SLC26A8: variants seen among roughly 807,000 people sequenced by gnomAD.
The protein encoded by SLC26A8 is solute carrier family 26 member 8.
In SLC26A8, 70 loss-of-function variants were observed where a neutral mutation model predicts 105.0. The observed-to-expected ratio is 0.67, with a 90% CI of 0.55 to 0.81. The LOEUF is 0.81. Among genes scored for constraint, SLC26A8 ranks in the 40% least tolerant of loss-of-function variants. SLC26A8 has a pLI of 0.00. For synonymous variants in SLC26A8, 415 were observed against 438.3 expected (o/e 0.95, Z 0.66); for missense variants, 998 against 1,181.8 (o/e 0.84, Z 2.28).
intron 19 of SLC26A8, among the ~76,000 whole-genome samples, chr6:35,950,558 T>C (rs1771834288): frequency 6.6e-6 from 1 of 152,108 alleles, no homozygotes; most frequent in Non-Finnish European, 1.5e-5. Context: ...GTGCTAGGAT[T>C]ACAGGCGTGA....
At chr6:35,983,957 C>A (rs113874283) in intron 7 of SLC26A8, among the ~76,000 whole-genome samples, 18 of 152,228 alleles carry the variant, frequency 1.2e-4, no homozygotes, top group African/African-American at 4.1e-4. Context: ...GCATTTTAGA[C>A]CCTAGACCGT....
intron 7 of SLC26A8, among the ~76,000 whole-genome samples, chr6:35,987,502 G>C (rs189018224): frequency 3.5e-4 from 53 of 152,224 alleles, no homozygotes; most frequent in African/African-American, 1.2e-3. Context: ...CTCCCGAGTA[G>C]CTGGGACTAC....
At chr6:36,010,798 C>A (rs960895523) in intron 3 of SLC26A8, among the ~76,000 whole-genome samples, 1 of 152,040 alleles carries the variant, frequency 6.6e-6, no homozygotes, top group African/African-American at 2.4e-5. Context: ...CCAGGCCTCC[C>A]AAAGTGCTGG....
chr6:36,000,619 A>G (rs947128359), intron 3 of SLC26A8, among the ~76,000 whole-genome samples: 2 of 152,178 alleles, frequency 1.3e-5, no homozygotes, highest in African/African-American at 4.8e-5. Context: ...TTTCTTTTCT[A>G]AGAAGCACCA....
intron 16 of SLC26A8, among the ~76,000 whole-genome samples, chr6:35,956,792 G>A (rs1322580028): frequency 6.6e-6 from 1 of 152,002 alleles, no homozygotes; most frequent in Non-Finnish European, 1.5e-5. Flanking sequence ...GGTGGTGCAT[G>A]CCTGTAATCC....
chr6:35,989,949 T>G (rs1259077850), intron 7 of SLC26A8: 2 of 135,072 alleles, frequency 1.5e-5, no homozygotes, highest in African/African-American at 5.6e-5. Context: ...TTTTTTTTTT[T>G]TTTTTTGAGA....
At chr6:35,991,600 AT>A (rs965816302) in intron 7 of SLC26A8, 58 bp downstream of exon 7, 1 of 1,372,264 alleles carries the variant, frequency 7.3e-7, no homozygotes, top group Non-Finnish European at 9.7e-7. Flanking sequence ...TCAACTCAGC[AT>A]TTTTTTAAAA....
At chr6:35,992,448 C>G in intron 6 of SLC26A8, 62 bp downstream of exon 6, 1 of 1,549,898 alleles carries the variant, frequency 6.5e-7, no homozygotes, top group Non-Finnish European at 8.7e-7. Flanking sequence ...CTGAGCTCCA[C>G]TTTTCTTTGG....
At chr6:36,015,560 G>C (rs1235540975) in intron 2 of SLC26A8, among the ~76,000 whole-genome samples, 1 of 152,202 alleles carries the variant, frequency 6.6e-6, no homozygotes, top group Non-Finnish European at 1.5e-5. Context: ...CGGATGGCAA[G>C]GCTAAGTAAG....
intron 1 of SLC26A8, among the ~76,000 whole-genome samples, chr6:36,020,218 G>C (rs1203476108): frequency 6.6e-6 from 1 of 152,168 alleles, no homozygotes; most frequent in Non-Finnish European, 1.5e-5. Context: ...TTATTTGTCT[G>C]TTTGTCCATT....
At chr6:35,956,042 A>G (rs1772046455) in intron 16 of SLC26A8, among the ~76,000 whole-genome samples, 1 of 152,114 alleles carries the variant, frequency 6.6e-6, no homozygotes, top group Admixed American at 6.6e-5. Context: ...GCAGTTTGAA[A>G]CCAGCCTGGG....
intron 2 of SLC26A8, among the ~76,000 whole-genome samples, chr6:36,016,057 G>A (rs527845070): frequency 1.8e-4 from 27 of 151,710 alleles, no homozygotes; most frequent in Admixed American, 1.1e-3. Context: ...GCAGTGGCGT[G>A]ATCTCGGCTC....
chr6:36,008,577 A>G (rs984468856), intron 3 of SLC26A8, among the ~76,000 whole-genome samples: 1 of 152,326 alleles, frequency 6.6e-6, no homozygotes, highest in Middle Eastern at 3.4e-3. Context: ...GAAGACTGTT[A>G]AGAGTATGAA....
chr6:35,983,425 A>T (rs1773358147), intron 7 of SLC26A8, among the ~76,000 whole-genome samples: 1 of 152,218 alleles, frequency 6.6e-6, no homozygotes, highest in African/African-American at 2.4e-5. Flanking sequence ...CAGCTTAAAT[A>T]TACATAAATT....
At chr6:35,992,704 A>G (rs370763525) in intron 5 of SLC26A8, 30 bp from the exon 6 acceptor site, 14 of 1,574,664 alleles carry the variant, frequency 8.9e-6, no homozygotes, top group Non-Finnish European at 1.1e-5. Flanking sequence ...AGAGTGGGGT[A>G]GAATGTCTTC....
At chr6:35,974,266 C>T (rs1474051934) in intron 10 of SLC26A8, among the ~76,000 whole-genome samples, 12 of 152,224 alleles carry the variant, frequency 7.9e-5, no homozygotes, top group Non-Finnish European at 1.0e-4. Context: ...TGCAGTGAGC[C>T]GAGATCGCGT....
At chr6:35,993,184 AT>A (rs1562054784) in intron 5 of SLC26A8, among the ~76,000 whole-genome samples, 1 of 19,090 alleles carries the variant, frequency 5.2e-5, no homozygotes, top group African/African-American at 1.2e-4. Flanking sequence ...TTTGATAGAG[AT>A]TGGAGGGGGG....
intron 7 of SLC26A8, chr6:35,989,436 G>A (rs982392420): frequency 8.5e-5 from 13 of 152,100 alleles, no homozygotes; most frequent in African/African-American, 2.9e-4. Context: ...GTGTATCTCC[G>A]GGTTTGTTCC....
chr6:35,978,844 C>CTT (rs370881691), intron 8 of SLC26A8, among the ~76,000 whole-genome samples: 26 of 140,848 alleles, frequency 1.8e-4, no homozygotes, highest in South Asian at 4.5e-4. Flanking sequence ...TCTTCTTCTT[C>CTT]TTTTTTTTTT....
Sources: allele counts gnomAD v4.1 joint callset (sites outside exome capture counted in the v4.1 genomes callset), GRCh38; gene constraint gnomAD v4.1.1; transcripts MANE v1.5; gene names NCBI Gene and HGNC (gene_info 2026-07-23, HGNC 2026-07-21).